PTPRD: variants seen among roughly 807,000 people sequenced by gnomAD.
PTPRD encodes protein tyrosine phosphatase receptor type D.
Under a neutral mutation model 214.5 loss-of-function variants are expected in PTPRD, and 34 were observed. That is an observed-to-expected ratio of 0.16 (90% CI 0.12 to 0.21). The LOEUF is 0.21. Among genes scored for constraint, PTPRD ranks in the 10% least tolerant of loss-of-function variants. The probability of loss-of-function intolerance (pLI) is 1.00; values close to 1 mark genes in which losing one functional copy is unlikely to be tolerated. For missense variants in PTPRD, 2,545 were observed against 2,398.7 expected (o/e 1.06, Z -1.27); for synonymous variants, 1,128 against 845.7 (o/e 1.33, Z -5.79).
At chr9:10,080,837 C>T (rs146446928) in intron 3 of PTPRD, among the ~76,000 whole-genome samples, 10 of 152,182 alleles carry the variant, frequency 6.6e-5, no homozygotes, top group African/African-American at 2.4e-4. Flanking sequence ...GCAAGCTAGA[C>T]ATACTGAGAC....
At chr9:9,839,579 C>G (rs894790246) in intron 5 of PTPRD, among the ~76,000 whole-genome samples, 1 of 152,032 alleles carries the variant, frequency 6.6e-6, no homozygotes, top group Non-Finnish European at 1.5e-5. Flanking sequence ...AAGAACATTC[C>G]ATGTTCATGG....
At chr9:8,461,485 G>A (rs2096400759) in intron 32 of PTPRD, among the ~76,000 whole-genome samples, 1 of 151,718 alleles carries the variant, frequency 6.6e-6, no homozygotes, top group African/African-American at 2.4e-5. Context: ...GGCTCTACCT[G>A]CCCCCTTCAA....
chr9:9,881,824 T>C (rs896861686), intron 5 of PTPRD, among the ~76,000 whole-genome samples: 5 of 152,112 alleles, frequency 3.3e-5, no homozygotes, highest in Admixed American at 3.3e-4. Flanking sequence ...AAACTTGACA[T>C]ATGCCAGAAT....
intron 41 of PTPRD, 131 bp from the exon 42 acceptor site, chr9:8,340,600 C>T (rs1851564112): frequency 3.4e-6 from 3 of 889,540 alleles, no homozygotes; most frequent in South Asian, 3.8e-5. Context: ...AGGTAAATTC[C>T]TGCTAAGATT....
At chr9:9,347,313 T>C (rs2049234823) in intron 9 of PTPRD, among the ~76,000 whole-genome samples, 4 of 149,724 alleles carry the variant, frequency 2.7e-5, no homozygotes, top group South Asian at 4.2e-4. Flanking sequence ...TCTATGTGTA[T>C]ATATATAAAT....
At chr9:10,241,608 T>C (rs901794869) in intron 3 of PTPRD, among the ~76,000 whole-genome samples, 4 of 151,948 alleles carry the variant, frequency 2.6e-5, no homozygotes, top group Non-Finnish European at 5.9e-5. Context: ...CATTGCATGA[T>C]TTCAATCATA....
chr9:9,946,590 G>A (rs1227324012), intron 4 of PTPRD, among the ~76,000 whole-genome samples: 1 of 151,976 alleles, frequency 6.6e-6, no homozygotes, highest in African/African-American at 2.4e-5. Context: ...TTTTGCAAAG[G>A]GAAACATATT....
At chr9:8,738,197 G>A (rs1003867110) in intron 11 of PTPRD, among the ~76,000 whole-genome samples, 4 of 152,114 alleles carry the variant, frequency 2.6e-5, no homozygotes, top group African/African-American at 9.7e-5. Flanking sequence ...ATTTGAAATG[G>A]AACAACAAAG....
Position 8,317,408 on chromosome 9 carries a change from C to G in PTPRD, c.*466G>C, listed in dbSNP as rs1822735192. ...GACTTTCTTTTTAAACATTCCCTCCCCTTTCCCCCTAAAATGTTATTATGA... is the reference window on the plus strand; with the variant it reads ...GACTTTCTTTTTAAACATTCCCTCCGCTTTCCCCCTAAAATGTTATTATGA... On this transcript the variant is annotated 3_prime_UTR_variant, in exon 46 of 46. Coordinates refer to ENST00000381196, the MANE Select transcript of PTPRD (RefSeq NM_002839.4). The G allele has an allele frequency of 4.3e-6, 1 of 233,080 alleles. No homozygotes were observed. Among genetic ancestry groups the G allele is most frequent in the African/African-American group, 2.2e-5 (1 of 45,264 alleles). 14.4% of individuals were successfully genotyped at this position (233,080 alleles called of 1,614,324 possible).
chr9:8,496,208 ACAAACACAC>A (rs2097265989), intron 26 of PTPRD, among the ~76,000 whole-genome samples: 1 of 128,216 alleles, frequency 7.8e-6, no homozygotes, highest in Non-Finnish European at 1.8e-5. Context: ...ACACACACAC[ACAAACACAC>A]ACACACACAC....
chr9:9,585,986 C>G (rs986434857), intron 7 of PTPRD, among the ~76,000 whole-genome samples: 2 of 151,926 alleles, frequency 1.3e-5, no homozygotes, highest in African/African-American at 2.4e-5. Context: ...TGGTTAGTTC[C>G]GAGTTGGAAG....
chr9:8,537,793 C>T (rs1001459240), intron 14 of PTPRD, among the ~76,000 whole-genome samples: 3 of 151,948 alleles, frequency 2.0e-5, no homozygotes, highest in African/African-American at 7.2e-5. Flanking sequence ...TGTTTAGAAG[C>T]AATGCATGCA....
chr9:10,110,286 T>C (rs2098678896), intron 3 of PTPRD, among the ~76,000 whole-genome samples: 1 of 152,214 alleles, frequency 6.6e-6, no homozygotes, highest in African/African-American at 2.4e-5. Flanking sequence ...TTTCATTCTC[T>C]ACCATCTCCC....
intron 7 of PTPRD, among the ~76,000 whole-genome samples, chr9:9,620,882 A>G (rs550498661): frequency 2.7e-5 from 4 of 150,640 alleles, no homozygotes; most frequent in Admixed American, 1.3e-4. Context: ...AAAAAAAAAG[A>G]GCAAAGCATT....
intron 7 of PTPRD, among the ~76,000 whole-genome samples, chr9:9,596,350 C>A (rs2093351375): frequency 1.3e-5 from 2 of 151,674 alleles, no homozygotes; most frequent in South Asian, 2.1e-4. Context: ...ATAGAAATAC[C>A]TTTACATATT....
intron 3 of PTPRD, among the ~76,000 whole-genome samples, chr9:10,206,811 TA>T (rs1000789383): frequency 1.3e-5 from 2 of 152,096 alleles, no homozygotes; most frequent in African/African-American, 2.4e-5. Context: ...AGTAGCTACA[TA>T]GATTTTGAAA....
At chr9:9,482,314 A>T (rs1252687928) in intron 8 of PTPRD, among the ~76,000 whole-genome samples, 6 of 152,216 alleles carry the variant, frequency 3.9e-5, no homozygotes, top group African/African-American at 1.2e-4. Flanking sequence ...TTTAACCTAG[A>T]ATTCTAGAGT....
intron 5 of PTPRD, among the ~76,000 whole-genome samples, chr9:9,899,002 C>G (rs2075741712): frequency 6.6e-6 from 1 of 152,034 alleles, no homozygotes; most frequent in African/African-American, 2.4e-5. Flanking sequence ...AAAAAACTAC[C>G]AAACAAAAAT....
chr9:9,080,215 C>A (rs1465869985), intron 10 of PTPRD, among the ~76,000 whole-genome samples: 1 of 151,994 alleles, frequency 6.6e-6, no homozygotes, highest in African/African-American at 2.4e-5. Flanking sequence ...TACAACTTAT[C>A]CAAGTTTACA....
Sources: gnomAD v4.1 joint callset for allele counts (sites outside exome capture counted in the v4.1 genomes callset) on GRCh38, gnomAD v4.1.1 for gene constraint, MANE v1.5 for transcripts, NCBI Gene and HGNC (gene_info 2026-07-23, HGNC 2026-07-21) for gene names.